FAAH2: variants seen among roughly 807,000 people sequenced by gnomAD.
The protein encoded by FAAH2 is fatty-acid amide hydrolase 2.
FAAH2 carries 60 observed loss-of-function variants against 36.9 expected under a neutral mutation model. That is an observed-to-expected ratio of 1.63 (90% CI 1.32 to 2.02). The LOEUF (loss-of-function observed/expected upper bound fraction) is 2.02, where lower values mean the gene tolerates loss of function less well. FAAH2 is among the 30% of genes most tolerant of loss of function. The pLI, the probability that FAAH2 is intolerant of heterozygous loss-of-function variation, is 0.00. For missense variants in FAAH2, 689 were observed against 397.5 expected, an observed-to-expected ratio of 1.73 and a Z score of -6.23; for synonymous variants, 214 against 143.8, an observed-to-expected ratio of 1.49 and a Z score of -3.49.
intron 5 of FAAH2, among the ~76,000 whole-genome samples, chrX:57,352,020 G>GTGTATATATATATATATATA (rs200784566): frequency 1.3e-4 from 1 of 7,765 alleles, no homozygotes; most frequent in African/African-American, 1.5e-4. Context: ...ATGTGTGTGT[G>GTGTATATATATATATATATA]TATATATATA....
chrX:57,416,321 T>C (rs933800348), intron 7 of FAAH2, among the ~76,000 whole-genome samples: 1 of 111,669 alleles, frequency 9.0e-6, no homozygotes, highest in Non-Finnish European at 1.9e-5. Flanking sequence ...CTTCATAGTA[T>C]TGATGGTCTT....
At chrX:57,231,583 A>T in the FAAH2 span, among the ~76,000 whole-genome samples, 649 of 111,611 alleles carry the variant, frequency 5.8e-3, 4 homozygotes, top group Middle Eastern at 0.032. Flanking sequence ...ATACCTTTAT[A>T]TTCACTATTT....
the FAAH2 span, among the ~76,000 whole-genome samples, chrX:57,230,237 C>G: frequency 8.9e-6 from 1 of 112,215 alleles, no homozygotes; most frequent in Non-Finnish European, 1.9e-5. Context: ...CTTCTTCACT[C>G]TTTTGTGAAA....
chrX:57,316,565 A>G (rs1406900650), intron 3 of FAAH2, among the ~76,000 whole-genome samples: 2 of 111,098 alleles, frequency 1.8e-5, no homozygotes, highest in Non-Finnish European at 3.8e-5. Context: ...TCAGAAATAA[A>G]GTCACACACA....
intron 7 of FAAH2, among the ~76,000 whole-genome samples, chrX:57,402,684 T>C (rs750500049): frequency 5.4e-5 from 6 of 112,144 alleles, no homozygotes; most frequent in South Asian, 3.7e-4. Context: ...ATTTTCTTCC[T>C]TTCCTGTGTT....
At chrX:57,335,226 G>T (rs2053514330) in intron 4 of FAAH2, among the ~76,000 whole-genome samples, 1 of 111,385 alleles carries the variant, frequency 9.0e-6, no homozygotes, top group East Asian at 2.8e-4. Flanking sequence ...TGAGAGACTT[G>T]GAAAAGAAAG....
At chrX:57,209,675 C>T in the FAAH2 span, among the ~76,000 whole-genome samples, 2 of 111,680 alleles carry the variant, frequency 1.8e-5, no homozygotes, top group East Asian at 5.7e-4. Flanking sequence ...ACTTTTTTAG[C>T]TACCATGGCT....
At chrX:57,487,444 C>A (rs1285776370) in intron 10 of FAAH2, among the ~76,000 whole-genome samples, 1 of 111,460 alleles carries the variant, frequency 9.0e-6, no homozygotes, top group Non-Finnish European at 1.9e-5. Context: ...AAGACGATAA[C>A]CCAACTTAAA....
At chrX:57,217,399 G>T in the FAAH2 span, among the ~76,000 whole-genome samples, 5 of 111,383 alleles carry the variant, frequency 4.5e-5, no homozygotes, top group African/African-American at 1.6e-4. Flanking sequence ...ATCTTCTAGA[G>T]TTTTTATAGT....
chrX:57,186,655 G>A, the FAAH2 span, among the ~76,000 whole-genome samples: 1 of 111,948 alleles, frequency 8.9e-6, no homozygotes, highest in Non-Finnish European at 1.9e-5. Flanking sequence ...TTTGCTGAAT[G>A]ATATTGCCTA....
chrX:57,209,149 G>A, the FAAH2 span, among the ~76,000 whole-genome samples: 1 of 111,629 alleles, frequency 9.0e-6, no homozygotes, highest in Non-Finnish European at 1.9e-5. Context: ...GTCTCCAAGT[G>A]CCCTCTTGGT....
chrX:57,466,442 A>G (rs1039215055), intron 10 of FAAH2, among the ~76,000 whole-genome samples: 4 of 93,324 alleles, frequency 4.3e-5, no homozygotes, highest in South Asian at 5.4e-4. Flanking sequence ...CTGGAAAAGT[A>G]TATATATATA....
At position 57,395,434 on chromosome X, in the gene FAAH2, G is replaced by A. The variant is rs763053385; in HGVS notation, c.996+14405G>A. On this transcript the variant is annotated intron_variant, in intron 7 of 10. Transcript: ENST00000374900. ...TGGCCTTTATTAGTCTGCTGCCCAC[G>A]ATGGACACCACCAATATCCTGTTCA... is the stretch of plus-strand genomic sequence containing the variant. 14 of 650,343 alleles carry A rather than the reference G, an allele frequency of 2.2e-5. No individual in the cohort carries two copies. In the East Asian group the frequency reaches 4.3e-4, roughly 20 times the overall value. The allele number at this position is 650,343 out of a possible 1,213,427, so 53.6% of individuals were successfully genotyped here.
chrX:57,311,897 A>G (rs1212428173), intron 3 of FAAH2, among the ~76,000 whole-genome samples: 2 of 112,010 alleles, frequency 1.8e-5, no homozygotes, highest in Non-Finnish European at 3.8e-5. Context: ...GCTACTTGAG[A>G]GTAAGGAGCA....
chrX:57,174,721 TAA>T, the FAAH2 span, among the ~76,000 whole-genome samples: 2 of 111,740 alleles, frequency 1.8e-5, no homozygotes, highest in Non-Finnish European at 1.9e-5. Context: ...TTTAGTGCTA[TAA>T]AGTTTCCTCT....
the FAAH2 span, among the ~76,000 whole-genome samples, chrX:57,239,816 G>A: frequency 0.45 from 50,275 of 110,744 alleles, 11,341 homozygotes; most frequent in African/African-American, 0.89. Context: ...ATCTTAGTCT[G>A]TCTTCCTGTT....
the FAAH2 span, among the ~76,000 whole-genome samples, chrX:57,216,587 T>TATAC: frequency 0.059 from 1,141 of 19,282 alleles, 157 homozygotes; most frequent in African/African-American, 0.14. Context: ...TATATGTATA[T>TATAC]GTATATATAT....
chrX:57,473,397 A>T (rs1362999575), intron 10 of FAAH2, among the ~76,000 whole-genome samples: 4 of 111,337 alleles, frequency 3.6e-5, no homozygotes, highest in Admixed American at 2.9e-4. Flanking sequence ...AAGAGACTTG[A>T]TATTATTTTA....
rs1425644933 is a variant in FAAH2 at position 57,341,366 on chromosome X, A to G, written c.718A>G (p.Ile240Val). The G allele has an allele frequency of 2.5e-6, 3 of 1,208,205 alleles. No individual in the cohort carries two copies. The highest frequency in any genetic ancestry group is 3.4e-6 in the Non-Finnish European group (3 of 894,315). ...SIRMPAFFNG[I>V]FGHKPSPGVV... The stretch of plus-strand genomic sequence containing the variant: ...TCGAATGCCTGCTTTCTTCAATGGT[A>G]TATTTGGACACAAGCCTTCTCCAGG... Residue 240 changes from isoleucine to valine, a missense_variant, in exon 5 of 11, where the codon ATA (isoleucine) becomes GTA (valine). Coordinates refer to ENST00000374900, the MANE Select transcript of FAAH2 (RefSeq NM_174912.4).
Sources: gnomAD v4.1 joint callset for allele counts (sites outside exome capture counted in the v4.1 genomes callset) on GRCh38, gnomAD v4.1.1 for gene constraint, MANE v1.5 for transcripts, NCBI Gene and HGNC (gene_info 2026-07-23, HGNC 2026-07-21) for gene names.